The following GPHN variants were observed in gnomAD, a reference collection of about 807,000 sequenced individuals.
The protein encoded by GPHN is gephyrin.
A neutral mutation model predicts 95.5 loss-of-function variants in GPHN; 17 were observed. That is an observed-to-expected ratio of 0.18 (90% CI 0.12 to 0.27). GPHN has a LOEUF of 0.27. GPHN is among the 10% of genes least tolerant of loss of function. The probability of loss-of-function intolerance (pLI) is 1.00; values close to 1 mark genes in which losing one functional copy is unlikely to be tolerated. For missense variants in GPHN, 660 were observed against 978.1 expected (o/e 0.67, Z 4.34); for synonymous variants, 320 against 322.5 (o/e 0.99, Z 0.08).
At chr14:67,347,267 A>T in the GPHN span, 1 of 665,912 alleles carries the variant, frequency 1.5e-6, no homozygotes, top group Non-Finnish European at 2.6e-6. Context: ...CTGATCAACT[A>T]TTGTCCTGAC....
chr14:67,445,381 T>C, the GPHN span, among the ~76,000 whole-genome samples: 1 of 151,872 alleles, frequency 6.6e-6, no homozygotes, highest in Non-Finnish European at 1.5e-5. Flanking sequence ...TCCAGGTAGA[T>C]AGTGTCAGAA....
intron 10 of GPHN, among the ~76,000 whole-genome samples, chr14:67,057,259 C>A (rs763070743): frequency 6.6e-5 from 10 of 152,070 alleles, no homozygotes; most frequent in Non-Finnish European, 1.5e-4. Flanking sequence ...GCTATGCAGC[C>A]GTAAAAAGGA....
At chr14:66,821,352 T>G (rs1950017176) in intron 3 of GPHN, among the ~76,000 whole-genome samples, 1 of 152,236 alleles carries the variant, frequency 6.6e-6, no homozygotes, top group Non-Finnish European at 1.5e-5. Flanking sequence ...TTTCTTAAAA[T>G]GCAGCTTCTG....
At chr14:67,541,476 G>T in the GPHN span, among the ~76,000 whole-genome samples, 5 of 152,280 alleles carry the variant, frequency 3.3e-5, no homozygotes, top group African/African-American at 1.2e-4. Context: ...GCAGAGCACA[G>T]GGTCAGGCAT....
the GPHN span, among the ~76,000 whole-genome samples, chr14:67,711,824 T>C: frequency 6.6e-6 from 1 of 152,232 alleles, no homozygotes; most frequent in Non-Finnish European, 1.5e-5. Context: ...CTGATGGTTC[T>C]AGAGGGAGAT....
chr14:66,891,500 G>A (rs1044618477), intron 5 of GPHN, among the ~76,000 whole-genome samples: 1 of 151,762 alleles, frequency 6.6e-6, no homozygotes, highest in African/African-American at 2.4e-5. Flanking sequence ...ATTCAAAATG[G>A]ATCAAAGACC....
At chr14:66,772,225 A>G (rs149315633) in intron 2 of GPHN, among the ~76,000 whole-genome samples, 22 of 152,188 alleles carry the variant, frequency 1.4e-4, no homozygotes, top group African/African-American at 4.8e-4. Context: ...AACCTCTAGA[A>G]TATATCTTGA....
the GPHN span, chr14:67,388,408 T>TGTAATA: frequency 1.9e-5 from 14 of 735,864 alleles, no homozygotes; most frequent in Non-Finnish European, 2.7e-5. Flanking sequence ...GCAAATCATT[T>TGTAATA]GTAATAGAAG....
chr14:67,408,601 G>T, the GPHN span, among the ~76,000 whole-genome samples: 1 of 152,078 alleles, frequency 6.6e-6, no homozygotes, highest in Admixed American at 6.6e-5. Context: ...GGAGAGGATG[G>T]TCACGTGACA....
the GPHN span, among the ~76,000 whole-genome samples, chr14:67,399,111 G>A: frequency 6.6e-6 from 1 of 152,192 alleles, no homozygotes; most frequent in Non-Finnish European, 1.5e-5. Context: ...GGCAATATGA[G>A]GCCACTTACA....
At chr14:67,413,253 C>A in the GPHN span, among the ~76,000 whole-genome samples, 4 of 152,218 alleles carry the variant, frequency 2.6e-5, no homozygotes, top group South Asian at 8.3e-4. Context: ...AGAACACAGT[C>A]ACACATTTTT....
chr14:66,746,170 A>G (rs1048376683), intron 2 of GPHN, among the ~76,000 whole-genome samples: 3 of 152,186 alleles, frequency 2.0e-5, no homozygotes, highest in Non-Finnish European at 4.4e-5. Context: ...TATGAACATA[A>G]GTTTTCATTT....
At position 66,561,447 on chromosome 14, in the gene GPHN, G is replaced by A. The variant is rs111782173; in HGVS notation, c.64+52856G>A. On this transcript the variant is annotated intron_variant, in intron 1 of 22. Transcript: ENST00000478722. ...TTATTGGTCTATTCTGTATTCTGTCGAATCCTGAGGTTTCTTGAATCTGAG... is the reference window on the plus strand; with the variant it reads ...TTATTGGTCTATTCTGTATTCTGTCAAATCCTGAGGTTTCTTGAATCTGAG... 5.3e-3 allele frequency among the ~76,000 whole-genome samples: 809 copies of A among 151,976 alleles called. 10 individuals are homozygous for A. Among genetic ancestry groups the A allele is most frequent in the African/African-American group, 0.019 (768 of 41,460 alleles).
At chr14:66,846,913 AT>A (rs1280534349) in intron 4 of GPHN, among the ~76,000 whole-genome samples, 1 of 152,116 alleles carries the variant, frequency 6.6e-6, no homozygotes, top group African/African-American at 2.4e-5. Context: ...CAGGAATTTA[AT>A]TTATTCTCAC....
the GPHN span, among the ~76,000 whole-genome samples, chr14:67,672,735 A>G: frequency 6.6e-6 from 1 of 151,648 alleles, no homozygotes; most frequent in Non-Finnish European, 1.5e-5. Flanking sequence ...GAGCCACCGT[A>G]CCCTGCCTGC....
intron 1 of GPHN, among the ~76,000 whole-genome samples, chr14:66,625,173 G>T (rs556032066): frequency 3.3e-5 from 5 of 152,172 alleles, no homozygotes; most frequent in African/African-American, 1.2e-4. Context: ...TGACCTCCCA[G>T]TCTCAAGCAA....
chr14:67,051,359 C>T (rs933861311), intron 10 of GPHN, among the ~76,000 whole-genome samples: 6 of 152,112 alleles, frequency 3.9e-5, no homozygotes, highest in Admixed American at 1.3e-4. Flanking sequence ...GAAGGAATTT[C>T]GGAGCTTGAA....
At chr14:67,727,110 G>A in the GPHN span, 22 of 1,614,182 alleles carry the variant, frequency 1.4e-5, no homozygotes, top group East Asian at 6.7e-5. Flanking sequence ...AGCGAGAAGC[G>A]CTACAGCAGG....
chr14:67,192,859 GATAT>G, the GPHN span, among the ~76,000 whole-genome samples: 3 of 142,216 alleles, frequency 2.1e-5, no homozygotes, highest in East Asian at 2.0e-4. Flanking sequence ...TAGATATACA[GATAT>G]ATATAGATAT....
Sources: allele counts gnomAD v4.1 joint callset (sites outside exome capture counted in the v4.1 genomes callset), GRCh38; gene constraint gnomAD v4.1.1; transcripts MANE v1.5; gene names NCBI Gene and HGNC (gene_info 2026-07-23, HGNC 2026-07-21).